The following PDS5A variants were observed in gnomAD, a reference collection of about 807,000 sequenced individuals.
PDS5A encodes PDS5 cohesin associated factor A, also known as sister chromatid cohesion protein PDS5 homolog A.
Under a neutral mutation model 167.1 loss-of-function variants are expected in PDS5A, and 42 were observed. The observed-to-expected ratio is 0.25, with a 90% CI of 0.20 to 0.33. PDS5A has a LOEUF of 0.33. Ranked by LOEUF, PDS5A falls within the 10% of genes least tolerant of loss-of-function variation. The probability of loss-of-function intolerance (pLI) is 1.00; values close to 1 mark genes in which losing one functional copy is unlikely to be tolerated. For synonymous variants in PDS5A, 553 were observed against 554.6 expected (o/e 1.00, Z 0.04); for missense variants, 1,033 against 1,605.9 (o/e 0.64, Z 6.10).
chr4:39,834,547 C>T (rs1560411985), intron 32 of PDS5A, among the ~76,000 whole-genome samples: 2 of 152,070 alleles, frequency 1.3e-5, no homozygotes, highest in Non-Finnish European at 2.9e-5. Context: ...CTTCTTTTTG[C>T]TTCTTAATCT....
rs117081687 is a variant in PDS5A, at chr4:39,944,384, T to G, written c.139-16220A>C. ...GGGAATTCATAAGGTCCTAAAACAT[T>G]ATGAGTGGCCTTAAAGGCTGAGAGT... On this transcript the variant is annotated intron_variant, in intron 2 of 32. Transcript: ENST00000303538. 3.8e-4 allele frequency among the ~76,000 whole-genome samples: 58 copies of G among 151,852 alleles called. 1 individual carries two copies. The East Asian group carries it at 7.4e-3, about 19-fold the overall frequency.
At chr4:39,958,605 C>CT (rs142278384) in intron 2 of PDS5A, among the ~76,000 whole-genome samples, 29 of 147,460 alleles carry the variant, frequency 2.0e-4, no homozygotes, top group African/African-American at 4.7e-4. Flanking sequence ...CATTTCTTGT[C>CT]TTTTTTTTTT....
chr4:39,952,002 C>G (rs1728449359), intron 2 of PDS5A, among the ~76,000 whole-genome samples: 1 of 150,710 alleles, frequency 6.6e-6, no homozygotes, highest in African/African-American at 2.4e-5. Context: ...CAAAAAAGAT[C>G]ACAAGGGTCA....
At chr4:39,849,455 A>C (rs894238489) in intron 27 of PDS5A, 65 bp downstream of exon 27, 6 of 1,162,810 alleles carry the variant, frequency 5.2e-6, no homozygotes, top group East Asian at 4.8e-5. Context: ...AAAAAAAAAA[A>C]ACCAAGTGGG....
intron 11 of PDS5A, among the ~76,000 whole-genome samples, chr4:39,907,435 T>C (rs1723480104): frequency 6.6e-6 from 1 of 152,174 alleles, no homozygotes; most frequent in Non-Finnish European, 1.5e-5. Context: ...TCAAATAAAA[T>C]AATAGCATGT....
chr4:39,896,124 G>T (rs1294419502), intron 16 of PDS5A, among the ~76,000 whole-genome samples: 1 of 151,416 alleles, frequency 6.6e-6, no homozygotes, highest in African/African-American at 2.4e-5. Context: ...CTCACTGTAG[G>T]CTTAAAATCC....
At chr4:39,836,686 A>T (rs1179985797) in intron 32 of PDS5A, among the ~76,000 whole-genome samples, 2 of 145,436 alleles carry the variant, frequency 1.4e-5, no homozygotes, top group Non-Finnish European at 3.0e-5. Context: ...TTGGTCTCAA[A>T]CTCCTGACCT....
At position 39,976,476 on chromosome 4, in the gene PDS5A, G is replaced by C; in HGVS notation, c.102C>G (p.Asp34Glu). 6.2e-7 allele frequency: 1 copy of C among 1,613,496 alleles called. No homozygotes were observed. The highest frequency in any genetic ancestry group is 8.5e-7 in the Non-Finnish European group (1 of 1,179,504). The stretch of plus-strand genomic sequence containing the variant: ...TGATCATCTCGTCCGTGGTGATCTT[G>C]TCGGTGATCTCTTTTACCCCCGGAG... The part of the protein sequence containing the change: ...AYPPGVKEIT[D>E]KITTDEMIKR... Residue 34 changes from aspartate (D) to glutamate (E), a missense_variant, in exon 2 of 33, where the codon GAC (aspartate) becomes GAG (glutamate). Physicochemically the swap from Asp to Glu is conservative, Grantham distance 45 (BLOSUM62 2). Around this residue, in one of 4 missense-constraint regions of PDS5A, gnomAD observed 388 missense variants for 615.1 expected, o/e 0.63. Transcript: ENST00000303538.
chr4:39,916,078 C>G (rs975045971), intron 8 of PDS5A, among the ~76,000 whole-genome samples: 3 of 151,808 alleles, frequency 2.0e-5, no homozygotes, highest in Admixed American at 2.0e-4. Flanking sequence ...AACAAACAAA[C>G]AAGCAAAAAA....
At chr4:39,826,992 T>C (rs1226424605) in intron 32 of PDS5A, among the ~76,000 whole-genome samples, 2 of 152,116 alleles carry the variant, frequency 1.3e-5, no homozygotes, top group African/African-American at 2.4e-5. Flanking sequence ...ATTTTAACAA[T>C]ATGCTATTAA....
Position 39,923,638 on chromosome 4 carries a change from A to AACACACACAC in PDS5A, c.528-900_528-891dup, listed in dbSNP as rs10664167. ...GGGACAGACCAAGACCCTGTCTCAA[A>AACACACACAC]ACACACACACACACACACACACACA... On this transcript the variant is annotated intron_variant, in intron 5 of 32. Coordinates refer to ENST00000303538, the MANE Select transcript of PDS5A (RefSeq NM_001100399.2). Among the ~76,000 whole-genome samples, 520 of 125,290 alleles carry AACACACACAC rather than the reference A, an allele frequency of 4.2e-3. 3 individuals carry two copies. The highest frequency in any genetic ancestry group is 0.016 in the Middle Eastern group (4 of 250). The allele number at this position is 125,290 out of a possible 152,430, so 82.2% of individuals were successfully genotyped here.
rs115122532 is a variant in PDS5A at position 39,969,277 on chromosome 4, A to G, written c.138+7163T>C. Among the ~76,000 whole-genome samples the G allele has an allele frequency of 4.1e-3, 630 of 152,296 alleles. 4 individuals carry two copies. Among genetic ancestry groups the G allele is most frequent in the African/African-American group, 0.015 (609 of 41,556 alleles). ...AATGGTCAGTTTCTTCACCTGAAAA[A>G]TTAGAACAGAAATACATAACCTCTG... On this transcript the variant is annotated intron_variant, in intron 2 of 32. Transcript: ENST00000303538.
intron 17 of PDS5A, among the ~76,000 whole-genome samples, chr4:39,884,482 G>C (rs1721240769): frequency 6.6e-6 from 1 of 152,162 alleles, no homozygotes; most frequent in African/African-American, 2.4e-5. Flanking sequence ...TGTTGGAAAG[G>C]ACTGTCCTAT....
intron 5 of PDS5A, 74 bp from the exon 6 acceptor site, chr4:39,922,822 T>C: frequency 7.4e-7 from 1 of 1,352,378 alleles, no homozygotes; most frequent in Non-Finnish European, 9.6e-7. Context: ...AATAGGAAAT[T>C]AAACGTCCTA....
At chr4:39,909,171 G>A (rs926543183) in intron 10 of PDS5A, among the ~76,000 whole-genome samples, 2 of 151,016 alleles carry the variant, frequency 1.3e-5, no homozygotes, top group African/African-American at 4.9e-5. Flanking sequence ...TGTCACCCAG[G>A]CTGGAGTGTA....
At chr4:39,964,575 G>A (rs1272863381) in intron 2 of PDS5A, among the ~76,000 whole-genome samples, 14 of 152,246 alleles carry the variant, frequency 9.2e-5, no homozygotes, top group Admixed American at 6.5e-4. Flanking sequence ...GGGGTTTTGC[G>A]CCTGTAGTCC....
At chr4:39,825,766 A>G (rs977761123) in intron 32 of PDS5A, among the ~76,000 whole-genome samples, 3 of 151,882 alleles carry the variant, frequency 2.0e-5, no homozygotes, top group Non-Finnish European at 4.4e-5. Flanking sequence ...ATGGCTGGCT[A>G]ATTTTTAAAT....
intron 2 of PDS5A, among the ~76,000 whole-genome samples, chr4:39,930,246 A>AAATTTTTTTTTT: frequency 2.1e-5 from 2 of 93,088 alleles, no homozygotes; most frequent in Non-Finnish European, 4.5e-5. Context: ...AAAAAAAAAA[A>AAATTTTTTTTTT]GTTTTTTTGT....
At chr4:39,964,554 A>G (rs182446465) in intron 2 of PDS5A, among the ~76,000 whole-genome samples, 1 of 152,280 alleles carries the variant, frequency 6.6e-6, no homozygotes, top group East Asian at 1.9e-4. Context: ...CAAATTTAAA[A>G]AGTACATGGT....
Sources: gnomAD v4.1 joint callset for allele counts (sites outside exome capture counted in the v4.1 genomes callset) on GRCh38, gnomAD v4.1.1 for gene constraint, gnomAD v4.1.1 regional missense constraint, MANE v1.5 for transcripts, NCBI Gene and HGNC (gene_info 2026-07-23, HGNC 2026-07-21) for gene names.